EPHA6: variants seen among roughly 807,000 people sequenced by gnomAD.
EPHA6 encodes the protein EPH receptor A6, also known as ephrin type-A receptor 6.
A neutral mutation model predicts 112.0 loss-of-function variants in EPHA6; 50 were observed. That is an observed-to-expected ratio of 0.45 (90% CI 0.36 to 0.56). The LOEUF (loss-of-function observed/expected upper bound fraction) is 0.56. Among genes scored for constraint, EPHA6 ranks in the 20% least tolerant of loss-of-function variants. EPHA6 has a pLI of 0.00. For synonymous variants in EPHA6, 529 were observed against 490.7 expected, an observed-to-expected ratio of 1.08 and a Z score of -1.03; for missense variants, 1,280 against 1,417.4, an observed-to-expected ratio of 0.90 and a Z score of 1.56.
intron 5 of EPHA6, among the ~76,000 whole-genome samples, chr3:97,312,291 A>G (rs1056391289): frequency 2.6e-4 from 39 of 151,714 alleles, no homozygotes; most frequent in African/African-American, 9.4e-4. Context: ...TATTATACCA[A>G]CTAGGACCTC....
At chr3:97,187,325 C>T (rs1009594840) in intron 3 of EPHA6, among the ~76,000 whole-genome samples, 1 of 151,856 alleles carries the variant, frequency 6.6e-6, no homozygotes, top group African/African-American at 2.4e-5. Flanking sequence ...CGCCTGTATT[C>T]CCAGCACATT....
chr3:97,495,037 G>A (rs960320853), intron 10 of EPHA6, among the ~76,000 whole-genome samples: 3 of 152,072 alleles, frequency 2.0e-5, no homozygotes, highest in African/African-American at 7.2e-5. Flanking sequence ...GGGATAGCAC[G>A]TTTCCTGCTG....
At chr3:97,403,066 T>C (rs1046405054) in intron 5 of EPHA6, among the ~76,000 whole-genome samples, 1 of 150,778 alleles carries the variant, frequency 6.6e-6, no homozygotes, top group African/African-American at 2.5e-5. Context: ...GGAGTTTTTA[T>C]TTACCTTAAT....
intron 1 of EPHA6, among the ~76,000 whole-genome samples, chr3:96,851,898 C>T (rs1048919774): frequency 1.8e-4 from 28 of 151,990 alleles, no homozygotes; most frequent in Admixed American, 5.2e-4. Context: ...TCATGTTGGT[C>T]CCTTGAGAGT....
At chr3:96,913,485 A>T (rs1553728966) in intron 2 of EPHA6, among the ~76,000 whole-genome samples, 2 of 152,050 alleles carry the variant, frequency 1.3e-5, no homozygotes, top group East Asian at 1.9e-4. Context: ...ATTTACTTGA[A>T]TTTTTTTTCA....
chr3:96,821,706 A>G (rs983987299), intron 1 of EPHA6, among the ~76,000 whole-genome samples: 14 of 151,882 alleles, frequency 9.2e-5, no homozygotes, highest in African/African-American at 2.9e-4. Context: ...TATTTGTTAT[A>G]TGACAGTGTA....
chr3:96,940,482 C>CT (rs1220306454), intron 2 of EPHA6, among the ~76,000 whole-genome samples: 1 of 152,136 alleles, frequency 6.6e-6, no homozygotes, highest in African/African-American at 2.4e-5. Context: ...TCTTTTGAGC[C>CT]TGTGTGTTTC....
chr3:97,298,411 G>A (rs1377020030), intron 5 of EPHA6, among the ~76,000 whole-genome samples: 1 of 152,146 alleles, frequency 6.6e-6, no homozygotes, highest in African/African-American at 2.4e-5. Context: ...AGGAATCATA[G>A]CATTTCGTTT....
chr3:97,099,918 T>C (rs1266108368), intron 3 of EPHA6, among the ~76,000 whole-genome samples: 3 of 152,060 alleles, frequency 2.0e-5, no homozygotes, highest in Non-Finnish European at 2.9e-5. Context: ...TTGTTATTGC[T>C]GTTAGTCTAC....
At chr3:97,065,960 T>C (rs1468249917) in intron 3 of EPHA6, among the ~76,000 whole-genome samples, 1 of 152,042 alleles carries the variant, frequency 6.6e-6, no homozygotes, top group Non-Finnish European at 1.5e-5. Context: ...GAATGGTAAT[T>C]GAGAAACAAC....
At chr3:97,430,218 C>A (rs1047415014) in intron 6 of EPHA6, among the ~76,000 whole-genome samples, 1 of 151,984 alleles carries the variant, frequency 6.6e-6, no homozygotes, top group Non-Finnish European at 1.5e-5. Flanking sequence ...AACTTATAAC[C>A]AGAAACATTT....
At chr3:96,859,898 T>C (rs2035911304) in intron 1 of EPHA6, among the ~76,000 whole-genome samples, 1 of 152,146 alleles carries the variant, frequency 6.6e-6, no homozygotes, top group Admixed American at 6.6e-5. Flanking sequence ...ATAGCTGCAG[T>C]CATTTTTTGT....
chr3:97,042,939 C>G (rs183700509), intron 3 of EPHA6, among the ~76,000 whole-genome samples: 1 of 152,258 alleles, frequency 6.6e-6, no homozygotes, highest in Admixed American at 6.6e-5. Context: ...TTGATCTCAT[C>G]AGGTGAGCCC....
intron 5 of EPHA6, among the ~76,000 whole-genome samples, chr3:97,314,011 AG>A (rs2108761028): frequency 6.6e-6 from 1 of 151,612 alleles, no homozygotes; most frequent in South Asian, 2.1e-4. Context: ...CATTAGTTTC[AG>A]GTCTTACATG....
chr3:97,202,441 T>G (rs2077599992), intron 3 of EPHA6, among the ~76,000 whole-genome samples: 1 of 151,860 alleles, frequency 6.6e-6, no homozygotes, highest in Non-Finnish European at 1.5e-5. Context: ...CCCTACTTCC[T>G]GGACTCAAGT....
chr3:97,460,019 T>C (rs538204786), intron 7 of EPHA6, among the ~76,000 whole-genome samples: 1 of 152,328 alleles, frequency 6.6e-6, no homozygotes, highest in South Asian at 2.1e-4. Flanking sequence ...TTAAGTTATC[T>C]GGGAAACTTA....
At chr3:97,605,421 T>G (rs1046972949) in intron 12 of EPHA6, among the ~76,000 whole-genome samples, 3 of 151,674 alleles carry the variant, frequency 2.0e-5, no homozygotes, top group African/African-American at 7.3e-5. Flanking sequence ...TTAGGTTAAT[T>G]TTTGTGTATG....
At chr3:97,348,586 A>C (rs1033278848) in intron 5 of EPHA6, among the ~76,000 whole-genome samples, 1 of 152,124 alleles carries the variant, frequency 6.6e-6, no homozygotes, top group African/African-American at 2.4e-5. Flanking sequence ...GCATTTCTTA[A>C]GCAACTAATT....
Position 97,758,331 on chromosome 3 carries a change from C to G in EPHA6, c.*9630C>G, listed in dbSNP as rs1215522858. On this transcript the variant is annotated 3_prime_UTR_variant, in exon 18 of 18. Coordinates refer to ENST00000389672, the MANE Select transcript of EPHA6 (RefSeq NM_001080448.3). ...AATATCAGTCAAAGCTTAGTGTTTA[C>G]CTCTTTAAACTATATAACAAATATA... 6.6e-6 allele frequency among the ~76,000 whole-genome samples: 1 copy of G among 151,900 alleles called. No individual in the cohort carries two copies. Among genetic ancestry groups the G allele is most frequent in the Non-Finnish European group, 1.5e-5 (1 of 67,862 alleles).
Sources: allele counts gnomAD v4.1 joint callset (sites outside exome capture counted in the v4.1 genomes callset), GRCh38; gene constraint gnomAD v4.1.1; transcripts MANE v1.5; gene names NCBI Gene and HGNC (gene_info 2026-07-23, HGNC 2026-07-21).